Variants in ZNF385D observed in about 807,000 individuals in gnomAD.
ZNF385D encodes the protein zinc finger protein 659.
ZNF385D carries 15 observed loss-of-function variants against 35.8 expected under a neutral mutation model. The observed-to-expected ratio is 0.42, with a 90% CI of 0.28 to 0.64. The LOEUF (loss-of-function observed/expected upper bound fraction) is 0.64. Among genes scored for constraint, ZNF385D ranks in the 30% least tolerant of loss-of-function variants. The pLI, the probability that ZNF385D is intolerant of heterozygous loss-of-function variation, is 0.23. For missense variants in ZNF385D, 474 were observed against 494.6 expected (o/e 0.96, Z 0.39); for synonymous variants, 212 against 186.8 (o/e 1.13, Z -1.10).
chr3:21,904,302 C>CAAAAAAAAA (rs548922115), intron 3 of ZNF385D, among the ~76,000 whole-genome samples: 2 of 79,252 alleles, frequency 2.5e-5, no homozygotes, highest in Non-Finnish European at 5.1e-5. Context: ...GACTCCATCT[C>CAAAAAAAAA]AAAAAAAAAA....
intron 2 of ZNF385D, among the ~76,000 whole-genome samples, chr3:22,244,048 A>G (rs1699634212): frequency 6.6e-6 from 1 of 150,916 alleles, no homozygotes; most frequent in Non-Finnish European, 1.5e-5. Context: ...TTCTCTCACC[A>G]GAACAAAGTT....
rs1328885915 is a variant in ZNF385D, at chr3:21,988,262, C to T, written c.325+180555G>A. Reference sequence around the variant, plus strand: ...GAGGCGCTCTGCGTTTTAGAGTTTCCAGTTTTTCTGTTCTGTTTTTTCCCC... The same window carrying T: ...GAGGCGCTCTGCGTTTTAGAGTTTCTAGTTTTTCTGTTCTGTTTTTTCCCC... On this transcript the variant is annotated intron_variant, in intron 3 of 5. Coordinates refer to the ZNF385D transcript ENST00000494108. 2.2e-3 allele frequency among the ~76,000 whole-genome samples: 269 copies of T among 122,284 alleles called. 4 individuals carry two copies. The highest frequency in any genetic ancestry group is 7.4e-3 in the African/African-American group (253 of 34,174). 80.2% of individuals were successfully genotyped at this position (122,284 alleles called of 152,430 possible).
intron 3 of ZNF385D, among the ~76,000 whole-genome samples, chr3:22,060,205 T>C (rs967170932): frequency 2.6e-5 from 4 of 152,194 alleles, no homozygotes; most frequent in Admixed American, 6.5e-5. Context: ...AGCTTGCAGA[T>C]GACAGATTTT....
chr3:21,768,761 C>T (rs73140865), intron 3 of ZNF385D, among the ~76,000 whole-genome samples: 5 of 151,922 alleles, frequency 3.3e-5, no homozygotes, highest in South Asian at 2.1e-4. Flanking sequence ...TCCATTGTTA[C>T]GAACCCACCG....
intron 2 of ZNF385D, among the ~76,000 whole-genome samples, chr3:22,283,746 C>G (rs1701886759): frequency 6.6e-6 from 1 of 152,070 alleles, no homozygotes. Flanking sequence ...CAGTCTGTTC[C>G]CTAGCACAGT....
At chr3:22,233,702 T>C (rs1189943411) in intron 2 of ZNF385D, among the ~76,000 whole-genome samples, 2 of 152,070 alleles carry the variant, frequency 1.3e-5, no homozygotes, top group African/African-American at 2.4e-5. Context: ...GTCACAAATA[T>C]AGTCCTGGTA....
At chr3:22,145,127 A>G (rs1704772128) in intron 3 of ZNF385D, among the ~76,000 whole-genome samples, 1 of 152,182 alleles carries the variant, frequency 6.6e-6, no homozygotes, top group African/African-American at 2.4e-5. Flanking sequence ...TTGTATATAT[A>G]AAAGGTGAGC....
chr3:22,326,649 G>A (rs891287334), intron 2 of ZNF385D, among the ~76,000 whole-genome samples: 2 of 152,114 alleles, frequency 1.3e-5, no homozygotes, highest in Non-Finnish European at 2.9e-5. Flanking sequence ...AATATGACAG[G>A]TAACACTTAG....
intron 2 of ZNF385D, among the ~76,000 whole-genome samples, chr3:22,288,192 T>A (rs1434038587): frequency 6.6e-6 from 1 of 152,128 alleles, no homozygotes; most frequent in Admixed American, 6.6e-5. Context: ...ATTTTCTAAT[T>A]TTGATAATTT....
At chr3:21,601,674 T>C (rs2064294699) in intron 2 of ZNF385D, among the ~76,000 whole-genome samples, 1 of 152,238 alleles carries the variant, frequency 6.6e-6, no homozygotes, top group South Asian at 2.1e-4. Flanking sequence ...ACCACACTTC[T>C]CTTGCTCACA....
intron 2 of ZNF385D, among the ~76,000 whole-genome samples, chr3:22,271,079 A>G (rs1346798784): frequency 6.6e-6 from 1 of 151,810 alleles, no homozygotes; most frequent in Non-Finnish European, 1.5e-5. Context: ...TGGAACACTC[A>G]CTATCTTGAG....
intron 3 of ZNF385D, among the ~76,000 whole-genome samples, chr3:22,084,619 A>C (rs969394148): frequency 2.0e-5 from 3 of 152,096 alleles, no homozygotes; most frequent in Admixed American, 1.3e-4. Flanking sequence ...GACTCCCACA[A>C]AATAATAATG....
At chr3:21,622,382 T>A (rs1320070620) in intron 2 of ZNF385D, among the ~76,000 whole-genome samples, 1 of 152,156 alleles carries the variant, frequency 6.6e-6, no homozygotes, top group African/African-American at 2.4e-5. Flanking sequence ...AGTTTGGTAC[T>A]GAACCTGTCA....
intron 4 of ZNF385D, among the ~76,000 whole-genome samples, chr3:21,502,324 C>T (rs543784682): frequency 1.3e-5 from 2 of 152,254 alleles, no homozygotes; most frequent in South Asian, 4.1e-4. Flanking sequence ...ATCATTTACT[C>T]TCTCCTAAGT....
intron 3 of ZNF385D, among the ~76,000 whole-genome samples, chr3:22,063,730 G>A (rs1576248959): frequency 6.6e-6 from 1 of 152,214 alleles, no homozygotes; most frequent in East Asian, 1.9e-4. Flanking sequence ...CTGAAAATAG[G>A]CGTCTCACCC....
intron 3 of ZNF385D, among the ~76,000 whole-genome samples, chr3:22,018,987 A>G (rs1697055445): frequency 7.7e-6 from 1 of 130,610 alleles, no homozygotes; most frequent in Admixed American, 7.8e-5. Context: ...AAGCATTGCT[A>G]TATTACTTCT....
chr3:22,104,755 G>C (rs1249639390), intron 3 of ZNF385D, among the ~76,000 whole-genome samples: 1 of 152,062 alleles, frequency 6.6e-6, no homozygotes, highest in Non-Finnish European at 1.5e-5. Context: ...GAGATAAATT[G>C]TACCACCTAG....
chr3:22,077,277 T>A (rs927698630), intron 3 of ZNF385D, among the ~76,000 whole-genome samples: 1 of 152,046 alleles, frequency 6.6e-6, no homozygotes, highest in Non-Finnish European at 1.5e-5. Flanking sequence ...TATGTTCCCA[T>A]ACAGAATTTT....
chr3:22,033,957 C>A (rs942086756), intron 3 of ZNF385D, among the ~76,000 whole-genome samples: 10 of 152,204 alleles, frequency 6.6e-5, no homozygotes, highest in Non-Finnish European at 8.8e-5. Flanking sequence ...CAACTACTTT[C>A]TCCAGGAAAC....
Sources: allele counts gnomAD v4.1 joint callset (sites outside exome capture counted in the v4.1 genomes callset), GRCh38; gene constraint gnomAD v4.1.1; transcripts MANE v1.5; gene names NCBI Gene and HGNC (gene_info 2026-07-23, HGNC 2026-07-21).